The following MRPL45 variants were observed in gnomAD, a reference collection of about 807,000 sequenced individuals.
MRPL45 encodes large ribosomal subunit protein mL45.
MRPL45 carries 20 observed loss-of-function variants against 38.1 expected under a neutral mutation model. The ratio of observed to expected loss-of-function variants is 0.53; its 90% CI spans 0.37 to 0.76. The LOEUF is 0.76. Ranked by LOEUF, MRPL45 falls within the 30% of genes least tolerant of loss-of-function variation. MRPL45 has a pLI of 0.00. For missense variants in MRPL45, 337 were observed against 395.6 expected (o/e 0.85, Z 1.26); for synonymous variants, 105 against 128.8 (o/e 0.82, Z 1.25).
At position 38,299,345 on chromosome 17, in the gene MRPL45, T is replaced by C; in HGVS notation, c.245-6T>C. 6.5e-7 allele frequency: 1 copy of C among 1,544,976 alleles called. No individual in the cohort carries two copies. Among genetic ancestry groups the C allele is most frequent in the Middle Eastern group, 1.7e-4 (1 of 5,810 alleles). On this transcript the variant is annotated splice_polypyrimidine_tract_variant and splice_region_variant and intron_variant, in intron 2 of 7. Transcript: ENST00000613675. ...CTTTCTTAATTTTTTTCTTCCTTTA[T>C]TACAGCTGGTATATTTGATGCCTAT...
chr17:38,318,659 CAAT>C, intron 4 of MRPL45, 25 bp from the exon 5 acceptor site: 1 of 1,533,474 alleles, frequency 6.5e-7, no homozygotes, highest in Non-Finnish European at 9.0e-7. Flanking sequence ...GAGCAATAGT[CAAT>C]GATATTTATT....
rs138951204 is a variant in MRPL45, at chr17:38,322,145, G to C, written c.680G>C (p.Arg227Pro). The C allele has an allele frequency of 3.1e-6, 5 of 1,613,964 alleles. No individual in the cohort carries two copies. In the Admixed American group the frequency reaches 5.0e-5, roughly 16 times the overall value. The change falls in exon 7 of 8, where the codon CGG (arginine) becomes CCG (proline). Residue 227 changes from arginine to proline, a missense_variant. Physicochemically the swap from Arg to Pro is moderately radical, Grantham distance 103. Transcript: ENST00000613675. ...HTRQTLAIYD[R>P]FGRLMYGQED... ...TTGCAGACTCTGGCCATCTATGACC[G>C]GTTTGGCCGGTTGATGTATGGACAG...
At chr17:38,313,309 A>ATATATAT (rs1555561983) in intron 4 of MRPL45, among the ~76,000 whole-genome samples, 1 of 19,620 alleles carries the variant, frequency 5.1e-5, no homozygotes, top group African/African-American at 2.5e-4. Flanking sequence ...AAAAAAAAAA[A>ATATATAT]AAATATATAT....
chr17:38,312,483 G>A (rs2037122430), intron 4 of MRPL45, among the ~76,000 whole-genome samples: 1 of 152,084 alleles, frequency 6.6e-6, no homozygotes, highest in Admixed American at 6.6e-5. Context: ...GTGATTGTTG[G>A]TGTACAAGTA....
intron 3 of MRPL45, among the ~76,000 whole-genome samples, chr17:38,300,114 G>A (rs868491148): frequency 2.0e-5 from 3 of 149,432 alleles, no homozygotes; most frequent in Non-Finnish European, 4.4e-5. Context: ...TGCCTCCCGG[G>A]TTCAAGAGAT....
chr17:38,309,965 AT>A (rs1418100791), intron 4 of MRPL45, among the ~76,000 whole-genome samples: 1 of 150,420 alleles, frequency 6.6e-6, no homozygotes, highest in Non-Finnish European at 1.5e-5. Flanking sequence ...TCTTTTCTAT[AT>A]TTTTCCAACC....
chr17:38,318,766 GT>G (rs751469842), intron 5 of MRPL45, 31 bp downstream of exon 5: 8 of 1,503,728 alleles, frequency 5.3e-6, no homozygotes, highest in Non-Finnish European at 3.7e-6. Flanking sequence ...GAACTGTGGG[GT>G]GACTGAGTGG....
chr17:38,321,979 C>G (rs2037233825), intron 6 of MRPL45, 147 bp from the exon 7 acceptor site: 2 of 757,828 alleles, frequency 2.6e-6, no homozygotes, highest in Non-Finnish European at 4.3e-6. Context: ...TTGCAGTGAG[C>G]TGAGATCATG....
intron 4 of MRPL45, among the ~76,000 whole-genome samples, chr17:38,311,142 A>C (rs558533817): frequency 3.9e-5 from 6 of 152,306 alleles, no homozygotes; most frequent in Non-Finnish European, 7.4e-5. Flanking sequence ...CATCTCAGAC[A>C]GGAATTTTAT....
chr17:38,316,838 G>A (rs1404809836), intron 4 of MRPL45, among the ~76,000 whole-genome samples: 1 of 145,598 alleles, frequency 6.9e-6, no homozygotes, highest in Non-Finnish European at 1.5e-5. Flanking sequence ...TTGCTCTGTT[G>A]CCAGGCTGGA....
At chr17:38,321,707 A>G (rs2037231305) in intron 6 of MRPL45, among the ~76,000 whole-genome samples, 2 of 151,336 alleles carry the variant, frequency 1.3e-5, no homozygotes, top group East Asian at 2.0e-4. Flanking sequence ...AAAAATTTAA[A>G]AAGATTTTTC....
intron 3 of MRPL45, among the ~76,000 whole-genome samples, chr17:38,304,334 A>G (rs940256667): frequency 6.6e-6 from 1 of 152,096 alleles, no homozygotes; most frequent in African/African-American, 2.4e-5. Context: ...AAATTAGCCA[A>G]GCGTGGTAGT....
intron 4 of MRPL45, among the ~76,000 whole-genome samples, chr17:38,313,666 CTT>C (rs113089636): frequency 9.3e-5 from 13 of 139,662 alleles, no homozygotes; most frequent in Non-Finnish European, 7.8e-5. Flanking sequence ...GAAGAAAGGT[CTT>C]TTTTTTTTTT....
chr17:38,313,385 C>CGT (rs1555562037), intron 4 of MRPL45, among the ~76,000 whole-genome samples: 6 of 19,598 alleles, frequency 3.1e-4, no homozygotes, highest in Non-Finnish European at 5.3e-4. Context: ...TATATATATA[C>CGT]ATATATATAT....
chr17:38,303,712 C>A (rs2037023180), intron 3 of MRPL45, among the ~76,000 whole-genome samples: 1 of 151,732 alleles, frequency 6.6e-6, no homozygotes, highest in Non-Finnish European at 1.5e-5. Context: ...ATCTAAGATT[C>A]CTCTTGCCTC....
chr17:38,322,746 A>T lies in MRPL45; in HGVS notation c.*151A>T. On this transcript the variant is annotated 3_prime_UTR_variant, in exon 8 of 8. Transcript: ENST00000613675. The stretch of plus-strand genomic sequence containing the variant: ...AGCAGTCTCATCATCAGCAACCATG[A>T]CTGATGACTGGGCCCTAGCAGGTGG... 1 of 618,630 alleles carries T rather than the reference A, an allele frequency of 1.6e-6. No individual in the cohort carries two copies. The highest frequency in any genetic ancestry group is 2.0e-5 in the South Asian group (1 of 48,868). The allele number at this position is 618,630 out of a possible 1,614,324, so 38.3% of individuals were successfully genotyped here.
At chr17:38,311,684 CAAAAA>C (rs756151374) in intron 4 of MRPL45, among the ~76,000 whole-genome samples, 5 of 92,300 alleles carry the variant, frequency 5.4e-5, no homozygotes, top group Admixed American at 1.2e-4. Context: ...GACTCCGTCT[CAAAAA>C]AAAAAAAAAA....
intron 5 of MRPL45, 40 bp from the exon 6 acceptor site, chr17:38,320,578 A>C (rs769002427): frequency 3.1e-6 from 5 of 1,604,198 alleles, no homozygotes; most frequent in Non-Finnish European, 4.3e-6. Flanking sequence ...CCTTAAAGGG[A>C]GGGAAAAATG....
chr17:38,318,779 C>A, intron 5 of MRPL45, 44 bp downstream of exon 5: 2 of 1,351,232 alleles, frequency 1.5e-6, no homozygotes, highest in Non-Finnish European at 2.1e-6. Context: ...ACTGAGTGGG[C>A]AGATTCTAGA....
Sources: allele counts gnomAD v4.1 joint callset (sites outside exome capture counted in the v4.1 genomes callset), GRCh38; gene constraint gnomAD v4.1.1; transcripts MANE v1.5; gene names NCBI Gene and HGNC (gene_info 2026-07-23, HGNC 2026-07-21).